The following CADM2 variants were observed in gnomAD, a reference collection of about 807,000 sequenced individuals.
CADM2 encodes the protein cell adhesion molecule 2, also known as immunoglobulin superfamily member 4D.
A neutral mutation model predicts 49.8 loss-of-function variants in CADM2; 12 were observed. The ratio of observed to expected loss-of-function variants is 0.24; its 90% CI spans 0.15 to 0.39. The LOEUF (loss-of-function observed/expected upper bound fraction) is 0.39. Ranked by LOEUF, CADM2 falls within the 10% of genes least tolerant of loss-of-function variation. The probability of loss-of-function intolerance (pLI) is 1.00; values close to 1 mark genes in which losing one functional copy is unlikely to be tolerated. For missense variants in CADM2, 378 were observed against 492.3 expected, an observed-to-expected ratio of 0.77 and a Z score of 2.20; for synonymous variants, 214 against 175.4, an observed-to-expected ratio of 1.22 and a Z score of -1.74.
intron 1 of CADM2, among the ~76,000 whole-genome samples, chr3:85,088,746 C>T (rs1024967983): frequency 9.9e-5 from 15 of 152,090 alleles, no homozygotes; most frequent in African/African-American, 3.6e-4. Flanking sequence ...ACTGATTTGA[C>T]ATAAAATTGT....
At chr3:85,066,884 C>T (rs555601326) in intron 1 of CADM2, among the ~76,000 whole-genome samples, 2 of 152,250 alleles carry the variant, frequency 1.3e-5, no homozygotes, top group Non-Finnish European at 1.5e-5. Context: ...TTCATTCTTA[C>T]GACATTCCAC....
At chr3:85,762,604 T>TCC (rs1299012304) in intron 2 of CADM2, among the ~76,000 whole-genome samples, 1 of 119,120 alleles carries the variant, frequency 8.4e-6, no homozygotes, top group Non-Finnish European at 1.6e-5. Context: ...CCTCTCTCTC[T>TCC]CTCTCTCTCT....
intron 1 of CADM2, among the ~76,000 whole-genome samples, chr3:85,438,890 G>A (rs1199493104): frequency 1.3e-5 from 2 of 151,966 alleles, no homozygotes; most frequent in Non-Finnish European, 2.9e-5. Flanking sequence ...CTCTCACTAT[G>A]TTACCTAGGC....
chr3:85,073,699 C>A (rs2036839599), intron 1 of CADM2, among the ~76,000 whole-genome samples: 1 of 151,940 alleles, frequency 6.6e-6, no homozygotes, highest in South Asian at 2.1e-4. Context: ...TTCATTTAAA[C>A]CAATCTATCC....
At chr3:85,099,411 A>G (rs981316875) in intron 1 of CADM2, among the ~76,000 whole-genome samples, 2 of 152,080 alleles carry the variant, frequency 1.3e-5, no homozygotes, top group African/African-American at 4.8e-5. Context: ...CATATGAGAC[A>G]CTTACTTATA....
At chr3:85,212,579 T>G (rs2041804369) in intron 1 of CADM2, among the ~76,000 whole-genome samples, 1 of 152,112 alleles carries the variant, frequency 6.6e-6, no homozygotes, top group Non-Finnish European at 1.5e-5. Context: ...TAATAAAAAT[T>G]CTACAATTTA....
intron 1 of CADM2, among the ~76,000 whole-genome samples, chr3:85,096,426 T>C (rs1048245407): frequency 1.3e-5 from 2 of 151,802 alleles, no homozygotes; most frequent in Admixed American, 6.6e-5. Context: ...TGTGACTTGT[T>C]TGATGTCTGT....
intron 1 of CADM2, among the ~76,000 whole-genome samples, chr3:85,147,714 T>G (rs1448997035): frequency 6.6e-6 from 1 of 152,172 alleles, no homozygotes; most frequent in Non-Finnish European, 1.5e-5. Flanking sequence ...TATCTATCTA[T>G]AAATTTGTTC....
intron 8 of CADM2, chr3:86,014,702 A>T: frequency 1.3e-6 from 2 of 1,529,686 alleles, no homozygotes; most frequent in Non-Finnish European, 1.8e-6. Context: ...CACCGGAGGA[A>T]CACCATGCTG....
intron 2 of CADM2, among the ~76,000 whole-genome samples, chr3:85,761,892 G>T (rs1187925361): frequency 6.6e-6 from 1 of 152,142 alleles, no homozygotes; most frequent in Non-Finnish European, 1.5e-5. Flanking sequence ...AGGCAGCTCA[G>T]CTGAGGGTCG....
At chr3:85,376,477 G>T (rs1364640368) in intron 1 of CADM2, among the ~76,000 whole-genome samples, 1 of 151,920 alleles carries the variant, frequency 6.6e-6, no homozygotes, top group Non-Finnish European at 1.5e-5. Context: ...ATATAAAAAA[G>T]AAAAGCTCTT....
intron 1 of CADM2, among the ~76,000 whole-genome samples, chr3:85,199,370 TGAGAGA>T (rs59939815): frequency 1.4e-5 from 2 of 140,106 alleles, no homozygotes; most frequent in Non-Finnish European, 3.1e-5. Flanking sequence ...TGTGTGTGTA[TGAGAGA>T]GAGAGAGAGA....
intron 1 of CADM2, among the ~76,000 whole-genome samples, chr3:85,458,866 A>G (rs915230197): frequency 2.0e-5 from 3 of 152,224 alleles, no homozygotes; most frequent in African/African-American, 7.2e-5. Flanking sequence ...GGAACATAGT[A>G]TTAAAAGGAA....
intron 6 of CADM2, among the ~76,000 whole-genome samples, chr3:85,927,816 A>T (rs928420979): frequency 6.7e-6 from 1 of 148,866 alleles, no homozygotes; most frequent in African/African-American, 2.4e-5. Context: ...ATTCAATTAC[A>T]AAAGAAATAC....
intron 8 of CADM2, among the ~76,000 whole-genome samples, chr3:86,050,110 C>T (rs1238220946): frequency 6.6e-6 from 1 of 152,276 alleles, no homozygotes; most frequent in African/African-American, 2.4e-5. Context: ...TTGTTACTCT[C>T]AAGATACAAC....
At chr3:85,240,574 A>C (rs775460569) in intron 1 of CADM2, among the ~76,000 whole-genome samples, 15 of 151,474 alleles carry the variant, frequency 9.9e-5, no homozygotes, top group Non-Finnish European at 1.6e-4. Flanking sequence ...CAAATAGGGA[A>C]CCCAACTCTA....
intron 1 of CADM2, among the ~76,000 whole-genome samples, chr3:85,221,977 C>T (rs2042054269): frequency 6.6e-6 from 1 of 151,826 alleles, no homozygotes. Flanking sequence ...ACAGGGAAAT[C>T]GATATTTTAT....
At chr3:85,886,392 A>G in intron 5 of CADM2, 65 bp downstream of exon 5, 1 of 1,255,410 alleles carries the variant, frequency 8.0e-7, no homozygotes, top group East Asian at 2.5e-5. Context: ...GTTAAGAAAA[A>G]GGCATTTTAC....
chr3:85,650,274 C>T (rs189154952), intron 1 of CADM2, among the ~76,000 whole-genome samples: 26 of 152,232 alleles, frequency 1.7e-4, no homozygotes, highest in African/African-American at 6.3e-4. Context: ...AGGAGAAGCG[C>T]TTTTGTGACA....
Sources: allele counts gnomAD v4.1 joint callset (sites outside exome capture counted in the v4.1 genomes callset), GRCh38; gene constraint gnomAD v4.1.1; transcripts MANE v1.5; gene names NCBI Gene and HGNC (gene_info 2026-07-23, HGNC 2026-07-21).